BAIAP3: variants seen among roughly 807,000 people sequenced by gnomAD.
BAIAP3 encodes BAI1 associated protein 3.
A neutral mutation model predicts 149.7 loss-of-function variants in BAIAP3; 180 were observed. The observed-to-expected ratio is 1.20, with a 90% confidence interval of 1.07 to 1.36. BAIAP3 has a LOEUF of 1.36. Among genes scored for constraint, BAIAP3 ranks in the 40% most tolerant of loss-of-function variants. The pLI is 0.00. For missense variants in BAIAP3, 1,767 were observed against 1,563.4 expected (o/e 1.13, Z -2.20); for synonymous variants, 845 against 670.7 (o/e 1.26, Z -4.02).
intron 28 of BAIAP3, 69 bp downstream of exon 28, chr16:1,347,024 C>A: frequency 7.2e-7 from 1 of 1,396,682 alleles, no homozygotes; most frequent in Non-Finnish European, 9.9e-7. Flanking sequence ...CTCCCTTTGT[C>A]CCCACTGGCC....
intron 8 of BAIAP3, 121 bp from the exon 9 acceptor site, chr16:1,341,701 G>A: frequency 8.0e-7 from 1 of 1,251,156 alleles, no homozygotes; most frequent in Non-Finnish European, 1.1e-6. Context: ...ATTTGGACCT[G>A]AACAGCCTGT....
intron 29 of BAIAP3, 30 bp from the exon 30 acceptor site, chr16:1,347,515 G>GA (rs2034460204): frequency 1.3e-6 from 2 of 1,489,414 alleles, no homozygotes; most frequent in Admixed American, 2.3e-5. Flanking sequence ...CAGCACCCAG[G>GA]GGCCCCTCCT....
In BAIAP3 at chr16:1,349,214, G is replaced by C; in HGVS notation, c.*732G>C. 1 of 598,078 alleles carries C rather than the reference G, an allele frequency of 1.7e-6. No homozygotes were observed. Among genetic ancestry groups the C allele is most frequent in the South Asian group, 1.9e-5 (1 of 52,464 alleles). 37.0% of individuals were successfully genotyped at this position (598,078 alleles called of 1,614,324 possible). A position where few individuals can be genotyped will look rare whatever the true frequency, so the allele number is the denominator to read the frequency against. On this transcript the variant is annotated 3_prime_UTR_variant, in exon 34 of 34. Coordinates refer to ENST00000426824, the MANE Select transcript of BAIAP3 (RefSeq NM_001199097.2). ...TCGCCCCAACCCTTCCCCAGGCCCA[G>C]TGTGAAAAACAGACTCACAAGGGGC...
rs73485673 is a variant in BAIAP3 at position 1,347,681 on chromosome 16, G to A, written c.2905-20G>A. On this transcript the variant is annotated intron_variant, in intron 30 of 33. Coordinates refer to ENST00000426824, the MANE Select transcript of BAIAP3 (RefSeq NM_001199097.2). ...TCCGAGGCTCCCAGAGCCCAGCTGC[G>A]CTCACCCGCCTTTCCGCAGAGGACC... 1.1e-3 allele frequency: 1,755 copies of A among 1,611,864 alleles called. 17 individuals are homozygous for A. In the African/African-American group the frequency reaches 0.021, roughly 20 times the overall value.
At position 1,345,986 on chromosome 16, in the gene BAIAP3, G is replaced by GA. The variant is rs1567170616; in HGVS notation, c.2210dup (p.Asp737GlufsTer4). On this transcript the variant is annotated frameshift_variant and splice_region_variant, in exon 24 of 34. Coordinates refer to ENST00000426824, the MANE Select transcript of BAIAP3 (RefSeq NM_001199097.2). LOFTEE classifies it high-confidence loss of function. ...CTCCCCACCGCCATCCCCTCCTCAGGACGTGTGTGAGGCCACCCTCTTCTA... is the reference window on the plus strand; with the variant it reads ...CTCCCCACCGCCATCCCCTCCTCAGGAACGTGTGTGAGGCCACCCTCTTCTA... 2.5e-6 allele frequency: 4 copies of GA among 1,606,282 alleles called. No homozygotes were observed. The South Asian group carries it at 4.4e-5, about 18-fold the overall frequency.
chr16:1,346,608 G>A lies in BAIAP3; in HGVS notation c.2566G>A (p.Val856Met), dbSNP rs114175189. The A allele has an allele frequency of 3.3e-4, 516 of 1,554,372 alleles. 2 individuals carry two copies. The African/African-American group carries it at 5.4e-3, about 16-fold the overall frequency. ...SPDSIQNDEA[V>M]APLMKYLDEK... ...GCCTGACCACCCCTGCCCGCAGGCC[G>A]TGGCCCCGCTCATGAAGTACCTGGA... The change falls in exon 27 of 34, where the codon GTG becomes ATG. Residue 856 changes from valine to methionine, a missense_variant. Transcript: ENST00000426824.
rs1197854366 is a variant in BAIAP3, at chr16:1,349,405, C to T, written c.*923C>T. 7.4e-6 allele frequency: 12 copies of T among 1,612,916 alleles called. No homozygotes were observed. The highest frequency in any genetic ancestry group is 1.7e-5 in the Admixed American group (1 of 59,976). On this transcript the variant is annotated 3_prime_UTR_variant, in exon 34 of 34. Coordinates refer to ENST00000426824, the MANE Select transcript of BAIAP3 (RefSeq NM_001199097.2). ...CTCATGTCTCTAGATTTTCTCGTCA[C>T]CCAGCCTCAAAAATATATGTGTCTG...
Position 1,341,396 on chromosome 16 carries a change from G to C in BAIAP3, c.638G>C (p.Ser213Thr). 1 of 1,612,642 alleles carries C rather than the reference G, an allele frequency of 6.2e-7. No individual in the cohort carries two copies. Among genetic ancestry groups the C allele is most frequent in the Non-Finnish European group, 8.5e-7 (1 of 1,179,922 alleles). The change falls in exon 8 of 34, where the codon AGC becomes ACC. Residue 213 changes from serine (S) to threonine (T), a missense_variant. By Grantham distance (58) the Ser-to-Thr change is moderately conservative. Transcript: ENST00000426824. Reference sequence around the variant, plus strand: ...CAGCGCTTCGGCTTCCGCAAGGGCAGCAAGCGCGGTGGACCCCTGCCTGCC... The same window carrying C: ...CAGCGCTTCGGCTTCCGCAAGGGCACCAAGCGCGGTGGACCCCTGCCTGCC... The part of the protein sequence containing the change: ...KEQRFGFRKG[S>T]KRGGPLPAKC...
In BAIAP3 at chr16:1,343,398, G is replaced by A. The variant is rs766954428; in HGVS notation, c.1271G>A (p.Trp424Ter). 7 of 1,571,254 alleles carry A rather than the reference G, an allele frequency of 4.5e-6. No individual in the cohort carries two copies. Among genetic ancestry groups the A allele is most frequent in the South Asian group, 2.3e-5 (2 of 86,156 alleles). Residue 424 changes from tryptophan to a stop codon, truncating the protein, a stop_gained, in exon 15 of 34, where the codon TGG (tryptophan) becomes TAG (stop). Coordinates refer to ENST00000426824, the MANE Select transcript of BAIAP3 (RefSeq NM_001199097.2). LOFTEE classifies it high-confidence loss of function. ...CCATGGGCCGGGCCCCACAGGCACTGGCAGGTCAGCAGCCGCCACCATCAA... is the reference window on the plus strand; with the variant it reads ...CCATGGGCCGGGCCCCACAGGCACTAGCAGGTCAGCAGCCGCCACCATCAA... ...LSPLQLAVLH[W>*]QVSSRHHQTC...
rs2033278854 is a variant in BAIAP3, at chr16:1,333,714, G to T, written c.-46G>T. On this transcript the variant is annotated 5_prime_UTR_variant, in exon 1 of 34. Coordinates refer to ENST00000426824, the MANE Select transcript of BAIAP3 (RefSeq NM_001199097.2). ...TCCCCGAGCTGGTGCCGAGCGCAGC[G>T]CCCCAGGAGCCCCCCCATCCCCGCG... The T allele has an allele frequency of 9.2e-6, 1 of 108,900 alleles. No homozygotes were observed. Among genetic ancestry groups the T allele is most frequent in the Non-Finnish European group, 1.8e-5 (1 of 56,420 alleles). The allele number at this position is 108,900 out of a possible 1,614,324, so 6.7% of individuals were successfully genotyped here.
chr16:1,349,332 CCTGCCAGCAGCCGCAAAGAGCCGAGG>C lies in BAIAP3; in HGVS notation c.*858_*883del. ...GTGGGGAGAACCCGGACAGCTCAGT[CCTGCCAGCAGCCGCAAAGAGCCGAGG>C]CTGCCAGGCCCATTTATGTCCCTCA... On this transcript the variant is annotated 3_prime_UTR_variant, in exon 34 of 34. Transcript: ENST00000426824. 1 of 1,320,648 alleles carries C rather than the reference CCTGCCAGCAGCCGCAAAGAGCCGAGG, an allele frequency of 7.6e-7. No individual in the cohort carries two copies. Among genetic ancestry groups the C allele is most frequent in the Non-Finnish European group, 1.1e-6 (1 of 915,140 alleles). 81.8% of individuals were successfully genotyped at this position (1,320,648 alleles called of 1,614,324 possible).
rs752387328 is a variant in BAIAP3 at position 1,344,778 on chromosome 16, G to T, written c.1758-20G>T. On this transcript the variant is annotated intron_variant, in intron 19 of 33. Transcript: ENST00000426824. ...TGCAGGTGGGGCGCAGGTGGATGAG[G>T]TGTGTCCCTTGCTCTGCAGCATCCT... 3.1e-6 allele frequency: 5 copies of T among 1,613,778 alleles called. No individual in the cohort carries two copies. The East Asian group carries it at 6.7e-5, about 22-fold the overall frequency.
At chr16:1,334,852 G>C (rs931542372) in intron 1 of BAIAP3, 292 of 1,212,484 alleles carry the variant, frequency 2.4e-4, no homozygotes, top group Non-Finnish European at 3.4e-4. Flanking sequence ...CTGGAGAGAA[G>C]ACCAAGAGGG....
Position 1,349,329 on chromosome 16 carries a change from A to G in BAIAP3, c.*847A>G. ...AGTGTGGGGAGAACCCGGACAGCTC[A>G]GTCCTGCCAGCAGCCGCAAAGAGCC... On this transcript the variant is annotated 3_prime_UTR_variant, in exon 34 of 34. Transcript: ENST00000426824. 1 of 1,258,986 alleles carries G rather than the reference A, an allele frequency of 7.9e-7. No individual in the cohort carries two copies. The highest frequency in any genetic ancestry group is 2.3e-5 in the East Asian group (1 of 43,296). The allele number at this position is 1,258,986 out of a possible 1,614,324, so 78.0% of individuals were successfully genotyped here.
rs61749061 is a variant in BAIAP3, at chr16:1,339,195, C to G, written c.251C>G (p.Pro84Arg). The G allele has an allele frequency of 5.1e-6, 8 of 1,565,442 alleles. No individual in the cohort carries two copies. In the Admixed American group the frequency reaches 5.8e-5, roughly 11 times the overall value. The change falls in exon 4 of 34, where the codon CCG becomes CGG. Residue 84 changes from proline to arginine, a missense_variant. Coordinates refer to ENST00000426824, the MANE Select transcript of BAIAP3 (RefSeq NM_001199097.2). The stretch of plus-strand genomic sequence containing the variant: ...CTGCGCAGTGGCTCGCCAGCACCCC[C>G]GGAGCCTGTGGATCCCAGCCTCGGC... ...VPLRSGSPAP[P>R]EPVDPSLGLR... is the part of the protein sequence containing the mutation.
In BAIAP3 at chr16:1,347,244, G is replaced by C. The variant is rs374665045; in HGVS notation, c.2752-54G>C. The C allele has an allele frequency of 3.9e-5, 61 of 1,567,960 alleles. No individual in the cohort carries two copies. In the African/African-American group the frequency reaches 8.0e-4, roughly 21 times the overall value. On this transcript the variant is annotated intron_variant, in intron 28 of 33. Coordinates refer to ENST00000426824, the MANE Select transcript of BAIAP3 (RefSeq NM_001199097.2). ...CCCTTTGTGCTGGGGGTCTCTACCT[G>C]TCCCCAGCACAAGCCAGGCTCCCTG...
chr16:1,347,489 T>C, intron 29 of BAIAP3, 56 bp from the exon 30 acceptor site: 1 of 1,566,344 alleles, frequency 6.4e-7, no homozygotes, highest in South Asian at 1.2e-5. Flanking sequence ...GGTCTCCAAG[T>C]GCCAGCGCTG....
chr16:1,349,257 C>T lies in BAIAP3; in HGVS notation c.*775C>T. On this transcript the variant is annotated 3_prime_UTR_variant, in exon 34 of 34. Transcript: ENST00000426824. ...CAAGGGGCTTCTTGGCCTGCAGCTT[C>T]ATTTGCGAGAGCGCCGAGGCAGGAC... 1.4e-6 allele frequency: 1 copy of T among 715,418 alleles called. No individual in the cohort carries two copies. Among genetic ancestry groups the T allele is most frequent in the East Asian group, 2.5e-5 (1 of 40,026 alleles). The allele number at this position is 715,418 out of a possible 1,614,324, so 44.3% of individuals were successfully genotyped here.
At position 1,346,461 on chromosome 16, in the gene BAIAP3, A is replaced by G. The variant is rs1227750924; in HGVS notation, c.2513A>G (p.Lys838Arg). Residue 838 changes from lysine to arginine, a missense_variant, in exon 26 of 34, where the codon AAG (lysine) becomes AGG (arginine). Physicochemically the swap from Lys to Arg is conservative, Grantham distance 26. Coordinates refer to ENST00000426824, the MANE Select transcript of BAIAP3 (RefSeq NM_001199097.2). Reference sequence around the variant, plus strand: ...CCTCAGATGGTGGGCGACATCCGCAAGTATGTACAGCACATCAGTCTCTCG... The same window carrying G: ...CCTCAGATGGTGGGCGACATCCGCAGGTATGTACAGCACATCAGTCTCTCG... ...LTSKMVGDIR[K>R]YVQHISLSPD... 4 of 1,612,394 alleles carry G rather than the reference A, an allele frequency of 2.5e-6. No homozygotes were observed. Among genetic ancestry groups the G allele is most frequent in the Non-Finnish European group, 3.4e-6 (4 of 1,179,758 alleles).
Sources: allele counts gnomAD v4.1 joint callset, GRCh38; gene constraint gnomAD v4.1.1; transcripts MANE v1.5; gene names NCBI Gene and HGNC (gene_info 2026-07-23, HGNC 2026-07-21).